CDH13: variants seen among roughly 807,000 people sequenced by gnomAD.
CDH13 encodes the protein cadherin 13.
A neutral mutation model predicts 63.8 loss-of-function variants in CDH13; 24 were observed. The observed-to-expected ratio is 0.38, with a 90% CI of 0.27 to 0.53. The LOEUF is 0.53. Ranked by LOEUF, CDH13 falls within the 20% of genes least tolerant of loss-of-function variation. The pLI is 0.85. For missense variants in CDH13, 1,049 were observed against 903.1 expected (o/e 1.16, Z -2.07); for synonymous variants, 503 against 355.3 (o/e 1.42, Z -4.67).
At chr16:82,875,058 A>G (rs759753157) in intron 2 of CDH13, among the ~76,000 whole-genome samples, 23 of 152,234 alleles carry the variant, frequency 1.5e-4, no homozygotes, top group Non-Finnish European at 2.9e-4. Context: ...TGGAGTCTGC[A>G]CATGACAGCT....
chr16:83,739,638 C>A (rs1436688688), intron 10 of CDH13, among the ~76,000 whole-genome samples: 1 of 152,126 alleles, frequency 6.6e-6, no homozygotes. Flanking sequence ...ATGTCTGGAG[C>A]AGCATAGAAG....
In CDH13 at chr16:82,627,017, GGCTCCCACGGAAAATAT is replaced by G. The variant is rs759493884; in HGVS notation, c.-71_-55del. The G allele has an allele frequency of 1.3e-6, 2 of 1,527,066 alleles. No individual in the cohort carries two copies. The highest frequency in any genetic ancestry group is 1.8e-6 in the Non-Finnish European group (2 of 1,124,020). The allele number at this position is 1,527,066 out of a possible 1,614,324, so 94.6% of individuals were successfully genotyped here. ...GAGGCAGAGCCTCTCCTCAAAGCCTGGCTCCCACGGAAAATATGCTCAGTGCAGCCGCGTGCATGAAT... is the reference window on the plus strand; with the variant it reads ...GAGGCAGAGCCTCTCCTCAAAGCCTGGCTCAGTGCAGCCGCGTGCATGAAT... On this transcript the variant is annotated 5_prime_UTR_variant, in exon 1 of 14. The change abolishes an upstream ATG in the 5' untranslated region. Transcript: ENST00000567109.
intron 4 of CDH13, among the ~76,000 whole-genome samples, chr16:83,185,417 G>A (rs559307135): frequency 3.3e-5 from 5 of 152,210 alleles, no homozygotes; most frequent in East Asian, 1.9e-4. Flanking sequence ...TGTCAACCAT[G>A]TACACAAACA....
chr16:83,024,142 G>A (rs1915592352), intron 2 of CDH13, among the ~76,000 whole-genome samples: 1 of 152,164 alleles, frequency 6.6e-6, no homozygotes, highest in South Asian at 2.1e-4. Flanking sequence ...TGGATGGCAA[G>A]GAATGTAGTA....
chr16:83,554,706 T>G (rs2075569707), intron 7 of CDH13, among the ~76,000 whole-genome samples: 1 of 152,054 alleles, frequency 6.6e-6, no homozygotes, highest in Non-Finnish European at 1.5e-5. Context: ...CAAATACTTC[T>G]GCAAGGACAT....
At chr16:83,256,674 C>CA (rs59651612) in intron 5 of CDH13, among the ~76,000 whole-genome samples, 17,940 of 115,158 alleles carry the variant, frequency 0.16, 1,524 homozygotes, top group East Asian at 0.22. Flanking sequence ...TACTAAAATA[C>CA]AAAAAAAAAA....
At chr16:83,501,760 GA>G (rs1185564322) in intron 7 of CDH13, among the ~76,000 whole-genome samples, 24 of 152,174 alleles carry the variant, frequency 1.6e-4, no homozygotes, top group African/African-American at 5.6e-4. Flanking sequence ...GGCTATTAAA[GA>G]AAAGCACGGG....
chr16:83,131,182 A>ACCCCCCCC lies in CDH13; in HGVS notation c.483+5693_483+5700dup, dbSNP rs1173636265. 1.9e-3 allele frequency among the ~76,000 whole-genome samples: 165 copies of ACCCCCCCC among 86,340 alleles called. 20 individuals are homozygous for ACCCCCCCC. The highest frequency in any genetic ancestry group is 4.9e-3 in the African/African-American group (69 of 14,140). The allele number at this position is 86,340 out of a possible 152,430, so 56.6% of individuals were successfully genotyped here. A position where few individuals can be genotyped will look rare whatever the true frequency, so the allele number is the denominator to read the frequency against. Reference sequence around the variant, plus strand: ...GGTGGGGAGTATAAGGGGGTGTATGACCCCCCCCCCCCCCCCCCCGCCCAC... The same window carrying ACCCCCCCC: ...GGTGGGGAGTATAAGGGGGTGTATGACCCCCCCCCCCCCCCCCCCCCCCCCCCGCCCAC... On this transcript the variant is annotated intron_variant, in intron 4 of 13. Transcript: ENST00000567109.
chr16:82,705,635 C>T (rs924385277), intron 1 of CDH13, among the ~76,000 whole-genome samples: 2 of 152,124 alleles, frequency 1.3e-5, no homozygotes, highest in African/African-American at 2.4e-5. Context: ...TTTCACCACA[C>T]ACGCCTGCTT....
intron 1 of CDH13, among the ~76,000 whole-genome samples, chr16:82,672,283 C>T (rs1291108730): frequency 6.6e-6 from 1 of 152,216 alleles, no homozygotes; most frequent in East Asian, 1.9e-4. Context: ...CACCATTGAG[C>T]AGTGTGTCTT....
At chr16:83,054,802 A>T (rs752031869) in intron 3 of CDH13, among the ~76,000 whole-genome samples, 2 of 152,156 alleles carry the variant, frequency 1.3e-5, no homozygotes, top group Non-Finnish European at 2.9e-5. Context: ...AATATAAAAA[A>T]GAGTAATAAA....
intron 1 of CDH13, among the ~76,000 whole-genome samples, chr16:82,678,323 T>C (rs1467284318): frequency 6.6e-6 from 1 of 151,910 alleles, no homozygotes; most frequent in East Asian, 1.9e-4. Context: ...AAAAAACTTT[T>C]TTTTTTTTTT....
In CDH13 at chr16:83,481,819, C is replaced by T. The variant is rs117930838; in HGVS notation, c.782-4658C>T. ...AATGTACTGTGTGGAAGCCCCAATG[C>T]GTGTCTGTCATATAATTACCCTTTC... On this transcript the variant is annotated intron_variant, in intron 6 of 13. Transcript: ENST00000567109. Among the ~76,000 whole-genome samples the T allele has an allele frequency of 6.6e-5, 10 of 152,228 alleles. No homozygotes were observed. In the East Asian group the frequency reaches 1.9e-3, roughly 29 times the overall value.
intron 7 of CDH13, among the ~76,000 whole-genome samples, chr16:83,585,462 A>C (rs1294742020): frequency 6.6e-6 from 1 of 152,144 alleles, no homozygotes; most frequent in Non-Finnish European, 1.5e-5. Context: ...CTACCAGAAC[A>C]GGGAAGGACT....
intron 7 of CDH13, among the ~76,000 whole-genome samples, chr16:83,560,520 A>G (rs2075684321): frequency 6.6e-6 from 1 of 152,096 alleles, no homozygotes; most frequent in Admixed American, 6.6e-5. Flanking sequence ...GGCTTGGGGG[A>G]GGGGATTGGT....
At chr16:83,696,220 C>A (rs147070127) in intron 10 of CDH13, among the ~76,000 whole-genome samples, 5 of 152,300 alleles carry the variant, frequency 3.3e-5, no homozygotes, top group African/African-American at 1.2e-4. Context: ...GGAAACATTT[C>A]TTTCCTTTGT....
At chr16:82,796,268 A>G (rs1278565039) in intron 1 of CDH13, among the ~76,000 whole-genome samples, 2 of 152,164 alleles carry the variant, frequency 1.3e-5, no homozygotes, top group Non-Finnish European at 2.9e-5. Context: ...CTATGGATGT[A>G]TGGAGGGAGT....
At chr16:83,494,648 A>G (rs1245411629) in intron 7 of CDH13, among the ~76,000 whole-genome samples, 3 of 152,204 alleles carry the variant, frequency 2.0e-5, no homozygotes, top group African/African-American at 7.2e-5. Flanking sequence ...GGTGGTTAGA[A>G]CAGCTGCAAT....
intron 7 of CDH13, among the ~76,000 whole-genome samples, chr16:83,515,718 T>C (rs1392224230): frequency 6.6e-6 from 1 of 152,212 alleles, no homozygotes; most frequent in Non-Finnish European, 1.5e-5. Flanking sequence ...AAATACATTA[T>C]TTTTCTCAAG....
Sources: allele counts gnomAD v4.1 joint callset (sites outside exome capture counted in the v4.1 genomes callset), GRCh38; gene constraint gnomAD v4.1.1; transcripts MANE v1.5; gene names NCBI Gene and HGNC (gene_info 2026-07-23, HGNC 2026-07-21).